USP29: variants seen among roughly 807,000 people sequenced by gnomAD.
The protein encoded by USP29 is ubiquitin specific peptidase 29, also known as ubiquitin carboxyl-terminal hydrolase 29.
For synonymous variants in USP29, 386 were observed against 387.4 expected, an observed-to-expected ratio of 1.00 and a Z score of 0.04; for missense variants, 1,102 against 1,069.0, an observed-to-expected ratio of 1.03 and a Z score of -0.43.
rs1568456524 is a variant in USP29 at position 57,130,504 on chromosome 19, G to A, written c.1829G>A (p.Cys610Tyr). The A allele has an allele frequency of 6.2e-7, 1 of 1,614,174 alleles. No individual in the cohort carries two copies. Among genetic ancestry groups the A allele is most frequent in the Admixed American group, 1.7e-5 (1 of 60,024 alleles). Residue 610 changes from cysteine (C) to tyrosine (Y), a missense_variant, in exon 4 of 4, where the codon TGT (cysteine) becomes TAT (tyrosine). Transcript: ENST00000254181. Reference sequence around the variant, plus strand: ...GACCTACAAAGATTCCAGAGAGACTGTGGAGATGCAAGCCAAGAGCAGCAT... The same window carrying A: ...GACCTACAAAGATTCCAGAGAGACTATGGAGATGCAAGCCAAGAGCAGCAT... ...NADLQRFQRD[C>Y]GDASQEQHQR...
Position 57,130,691 on chromosome 19 carries a change from C to T in USP29, c.2016C>T (p.Ser672=). ...MYEDGGKLIS[S]PDTRLVEVHL... ...AAGATGGAGGGAAGCTGATCAGCAG[C>T]CCAGACACAAGGCTTGTCGAGGTTC... Residue 672 remains serine (S), a synonymous_variant, in exon 4 of 4, where the codon AGC becomes AGT. Transcript: ENST00000254181. 6.2e-7 allele frequency: 1 copy of T among 1,614,150 alleles called. No individual in the cohort carries two copies. The highest frequency in any genetic ancestry group is 1.1e-5 in the South Asian group (1 of 91,076).
intron 3 of USP29, among the ~76,000 whole-genome samples, chr19:57,127,759 C>G (rs1448478472): frequency 6.6e-6 from 1 of 152,132 alleles, no homozygotes; most frequent in Non-Finnish European, 1.5e-5. Flanking sequence ...GGCCCCCTGG[C>G]TTCAGCCCCC....
At position 57,125,548 on chromosome 19, in the gene USP29, G is replaced by T. The variant is rs570005411; in HGVS notation, c.-17+1409G>T. On this transcript the variant is annotated intron_variant, in intron 3 of 3. Transcript: ENST00000254181. ...CTCTTTGTCTTTTTTGATCTTTGTT[G>T]GTTTAACATCTGTTTTATCAGAGAC... 5.9e-5 allele frequency among the ~76,000 whole-genome samples: 9 copies of T among 151,708 alleles called. No homozygotes were observed. In the East Asian group the frequency reaches 1.8e-3, roughly 30 times the overall value.
chr19:57,119,728 G>A (rs993217885), upstream of USP29, among the ~76,000 whole-genome samples: 1 of 152,022 alleles, frequency 6.6e-6, no homozygotes, highest in Non-Finnish European at 1.5e-5. Context: ...CGGCCGGGAT[G>A]ACTGTTATTA....
Position 57,131,074 on chromosome 19 carries a change from C to A in USP29, c.2399C>A (p.Ala800Glu), listed in dbSNP as rs774501517. The A allele has an allele frequency of 1.9e-6, 3 of 1,614,122 alleles. No individual in the cohort carries two copies. The East Asian group carries it at 6.7e-5, about 36-fold the overall frequency. Residue 800 changes from alanine to glutamate, a missense_variant, in exon 4 of 4, where the codon GCA becomes GAA. By Grantham distance (107) the Ala-to-Glu change is moderately radical. Transcript: ENST00000254181. ...DNPGNKNILD[A>E]ENTRGEAKEL... is the part of the protein sequence containing the mutation. ...CCAGGAAACAAAAACATTTTAGATG[C>A]AGAGAACACAAGAGGTGAAGCCAAG...
At chr19:57,121,291 T>C (rs1014394294) in intron 1 of USP29, among the ~76,000 whole-genome samples, 1 of 147,296 alleles carries the variant, frequency 6.8e-6, no homozygotes, top group Non-Finnish European at 1.5e-5. Flanking sequence ...TTATATATAC[T>C]TATATATGTT....
chr19:57,119,478 A>C (rs2086781345), upstream of USP29, among the ~76,000 whole-genome samples: 1 of 152,098 alleles, frequency 6.6e-6, no homozygotes, highest in African/African-American at 2.4e-5. Context: ...GCTGGATTGT[A>C]GTGGCGCCAT....
Position 57,129,577 on chromosome 19 carries a change from A to G in USP29, c.902A>G (p.Gln301Arg). ...ACCTGTTACATGAATGCAGTTTTAC[A>G]ATCGCTATTTGCAATTCCATCTTTT... is the stretch of plus-strand genomic sequence containing the variant. The part of the protein sequence containing the change: ...GNTCYMNAVL[Q>R]SLFAIPSFAD... Residue 301 changes from glutamine to arginine, a missense_variant, in exon 4 of 4, where the codon CAA becomes CGA. Transcript: ENST00000254181. The G allele has an allele frequency of 6.2e-7, 1 of 1,614,208 alleles. No homozygotes were observed. The highest frequency in any genetic ancestry group is 8.5e-7 in the Non-Finnish European group (1 of 1,180,048).
chr19:57,130,832 A>C lies in USP29; in HGVS notation c.2157A>C (p.Lys719Asn), dbSNP rs562830906. 3.1e-6 allele frequency: 5 copies of C among 1,614,078 alleles called. No individual in the cohort carries two copies. The highest frequency in any genetic ancestry group is 3.4e-6 in the Non-Finnish European group (4 of 1,180,040). ...TESTNGFYDC[K>N]ENRIPEGSQG... ...CCACCAATGGCTTTTATGACTGTAA[A>C]GAAAACAGGATTCCAGAAGGATCTC... The change falls in exon 4 of 4, where the codon AAA becomes AAC. Residue 719 changes from lysine to asparagine, a missense_variant. Lys to Asn is a moderately conservative substitution (Grantham distance 94). Coordinates refer to ENST00000254181, the MANE Select transcript of USP29 (RefSeq NM_020903.3).
rs1755800074 is a variant in USP29 at position 57,131,269 on chromosome 19, C to G, written c.2594C>G (p.Ser865Ter). 6.2e-7 allele frequency: 1 copy of G among 1,614,042 alleles called. No homozygotes were observed. The highest frequency in any genetic ancestry group is 1.3e-5 in the African/African-American group (1 of 74,910). ...AACGATCTATGTGTATCAGAAATCTCAGAGACCAAAATGCAGGAGGCGAGG... is the reference window on the plus strand; with the variant it reads ...AACGATCTATGTGTATCAGAAATCTGAGAGACCAAAATGCAGGAGGCGAGG... ...TYNDLCVSEI[S>*]ETKMQEARLH... Residue 865 changes from serine (S) to a stop codon, truncating the protein, a stop_gained, in exon 4 of 4, where the codon TCA becomes TGA. Coordinates refer to ENST00000254181, the MANE Select transcript of USP29 (RefSeq NM_020903.3). LOFTEE classifies it low-confidence loss of function (END_TRUNC).
rs1159132025 is a variant in USP29 at position 57,128,763 on chromosome 19, G to C, written c.88G>C (p.Val30Leu). Reference sequence around the variant, plus strand: ...GCTGAAAGAAGCTCTCATTGAAACAGTGCAAAGACAAAAGGAAATTAAACT... The same window carrying C: ...GCTGAAAGAAGCTCTCATTGAAACACTGCAAAGACAAAAGGAAATTAAACT... ...TKLKEALIET[V>L]QRQKEIKLVV... The change falls in exon 4 of 4, where the codon GTG becomes CTG. Residue 30 changes from valine to leucine, a missense_variant. Physicochemically the swap from Val to Leu is conservative, Grantham distance 32. Coordinates refer to ENST00000254181, the MANE Select transcript of USP29 (RefSeq NM_020903.3). 1 of 1,613,748 alleles carries C rather than the reference G, an allele frequency of 6.2e-7. No individual in the cohort carries two copies. The highest frequency in any genetic ancestry group is 1.7e-5 in the Admixed American group (1 of 59,960).
At chr19:57,119,706 A>T (rs780122728), upstream of USP29, among the ~76,000 whole-genome samples, 1 of 152,076 alleles carries the variant, frequency 6.6e-6, no homozygotes, top group Non-Finnish European at 1.5e-5. Context: ...GACAGGCGTG[A>T]GCCACCGCGC....
chr19:57,131,691 T>C lies in USP29; in HGVS notation c.*247T>C. 1.9e-6 allele frequency: 1 copy of C among 519,020 alleles called. No individual in the cohort carries two copies. The highest frequency in any genetic ancestry group is 3.8e-5 in the East Asian group (1 of 26,444). The allele number at this position is 519,020 out of a possible 1,614,324, so 32.2% of individuals were successfully genotyped here. On this transcript the variant is annotated 3_prime_UTR_variant, in exon 4 of 4. Transcript: ENST00000254181. ...GCTCTTCACGTTTTGACGGTGGTTTTCAAAATGTTGTTCTTCAACCAGCAA... is the reference window on the plus strand; with the variant it reads ...GCTCTTCACGTTTTGACGGTGGTTTCCAAAATGTTGTTCTTCAACCAGCAA...
Position 57,130,410 on chromosome 19 carries a change from C to T in USP29, c.1735C>T (p.Pro579Ser). The change falls in exon 4 of 4, where the codon CCA (proline) becomes TCA (serine). Residue 579 changes from proline to serine, a missense_variant. By Grantham distance (74) the Pro-to-Ser change is moderately conservative. Coordinates refer to ENST00000254181, the MANE Select transcript of USP29 (RefSeq NM_020903.3). The stretch of plus-strand genomic sequence containing the variant: ...TTCTGAGATCAACAGCCCATTGACA[C>T]CATCAATGAAGCTGACCTCAGAATC... ...MISEINSPLT[P>S]SMKLTSESSD... 1 of 1,614,110 alleles carries T rather than the reference C, an allele frequency of 6.2e-7. No individual in the cohort carries two copies. The highest frequency in any genetic ancestry group is 1.1e-5 in the South Asian group (1 of 91,078).
intron 1 of USP29, among the ~76,000 whole-genome samples, chr19:57,121,976 G>C (rs74873332): frequency 3.1e-4 from 41 of 134,166 alleles, no homozygotes; most frequent in African/African-American, 1.1e-3. Flanking sequence ...TAGATAGATA[G>C]ATACATAGAA....
rs2086857119 is a variant in USP29, at chr19:57,131,098, AG to A, written c.2425del (p.Glu809AsnfsTer2). The A allele has an allele frequency of 6.2e-7, 1 of 1,614,102 alleles. No homozygotes were observed. Among genetic ancestry groups the A allele is most frequent in the Non-Finnish European group, 8.5e-7 (1 of 1,180,040 alleles). On this transcript the variant is annotated frameshift_variant, in exon 4 of 4. Transcript: ENST00000254181. LOFTEE classifies it low-confidence loss of function (END_TRUNC). ...GCAGAGAACACAAGAGGTGAAGCCA[AG>A]GAACTAACAAGAAACGTGAAGATGG... ...LDAENTRGEA[K>X]ELTRNVKMGD...
At position 57,130,813 on chromosome 19, in the gene USP29, AT is replaced by A; in HGVS notation, c.2139del (p.Asn713LysfsTer31). 6.2e-7 allele frequency: 1 copy of A among 1,614,170 alleles called. No homozygotes were observed. Among genetic ancestry groups the A allele is most frequent in the Non-Finnish European group, 8.5e-7 (1 of 1,180,044 alleles). ...FNFDSVTEST[N>X]GFYDCKENRI... ...TTTGACAGTGTCACTGAGTCCACCA[AT>A]GGCTTTTATGACTGTAAAGAAAACA... is the stretch of plus-strand genomic sequence containing the variant. On this transcript the variant is annotated frameshift_variant, in exon 4 of 4. Transcript: ENST00000254181. LOFTEE classifies it low-confidence loss of function (END_TRUNC).
At chr19:57,121,360 C>T (rs2086794918) in intron 1 of USP29, among the ~76,000 whole-genome samples, 3 of 137,022 alleles carry the variant, frequency 2.2e-5, no homozygotes, top group Admixed American at 7.5e-5. Context: ...GTTATATCTA[C>T]TTATGTTATA....
chr19:57,130,753 A>G lies in USP29; in HGVS notation c.2078A>G (p.Lys693Arg). Residue 693 changes from lysine to arginine, a missense_variant, in exon 4 of 4, where the codon AAG becomes AGG. Physicochemically the swap from Lys to Arg is conservative, Grantham distance 26 (BLOSUM62 2). Transcript: ENST00000254181. ...GTGCCTCAACATCCAGAACTTCAGA[A>G]GTATGAGAAAACCAATACATTCGTA... ...QEVPQHPELQ[K>R]YEKTNTFVEF... The G allele has an allele frequency of 6.2e-7, 1 of 1,614,198 alleles. No individual in the cohort carries two copies. The highest frequency in any genetic ancestry group is 8.5e-7 in the Non-Finnish European group (1 of 1,180,054).
Sources: allele counts gnomAD v4.1 joint callset (sites outside exome capture counted in the v4.1 genomes callset), GRCh38; gene constraint gnomAD v4.1.1; transcripts MANE v1.5; gene names NCBI Gene and HGNC (gene_info 2026-07-23, HGNC 2026-07-21).